Variants in SPEN observed in about 807,000 individuals in gnomAD.
SPEN encodes the protein msx2-interacting protein.
In SPEN, 18 loss-of-function variants were observed where a neutral mutation model predicts 269.9. The observed-to-expected ratio is 0.07, with a 90% CI of 0.05 to 0.10. The LOEUF (loss-of-function observed/expected upper bound fraction) is 0.10, where lower values mean the gene tolerates loss of function less well. Among genes scored for constraint, SPEN ranks in the 10% least tolerant of loss-of-function variants. The probability of loss-of-function intolerance (pLI) is 1.00; values close to 1 mark genes in which losing one functional copy is unlikely to be tolerated. For synonymous variants in SPEN, 1,726 were observed against 1,765.7 expected (o/e 0.98, Z 0.56); for missense variants, 3,822 against 4,631.2 (o/e 0.83, Z 5.07).
chr1:15,918,295 C>T (rs960881493), intron 6 of SPEN, among the ~76,000 whole-genome samples: 7 of 152,254 alleles, frequency 4.6e-5, no homozygotes, highest in Middle Eastern at 3.4e-3. Context: ...CTTGGCTTAC[C>T]GCAACCTCTG....
At chr1:15,904,893 T>C (rs1040290157) in intron 3 of SPEN, among the ~76,000 whole-genome samples, 14 of 148,272 alleles carry the variant, frequency 9.4e-5, no homozygotes, top group East Asian at 2.0e-4. Context: ...GTCTCTCTCT[T>C]TTTTTTTTTT....
At chr1:15,867,506 G>GT (rs2070526569) in intron 1 of SPEN, among the ~76,000 whole-genome samples, 1 of 152,048 alleles carries the variant, frequency 6.6e-6, no homozygotes, top group Non-Finnish European at 1.5e-5. Flanking sequence ...CTCATGCCAC[G>GT]TTTTTTATCC....
At chr1:15,886,464 C>T (rs146291595) in intron 3 of SPEN, among the ~76,000 whole-genome samples, 181 of 152,282 alleles carry the variant, frequency 1.2e-3, no homozygotes, top group African/African-American at 4.2e-3. Flanking sequence ...TCTCCACAGC[C>T]CTCAGTCCAG....
Position 15,872,824 on chromosome 1 carries a change from G to T in SPEN, c.92G>T (p.Arg31Leu). ...KIIEHFKRYG[R>L]VESVKILPKR... is the part of the protein sequence containing the mutation. ...GACTTTATTTTTTCCAGATATGGCC[G>T]CGTGGAAAGTGTCAAAATTCTTCCC... Residue 31 changes from arginine (R) to leucine (L), a missense_variant, in exon 2 of 15, where the codon CGC (arginine) becomes CTC (leucine). This residue lies in a region of SPEN where 51 missense variants were observed against 56.1 expected (regional missense o/e 0.91). Coordinates refer to ENST00000375759, the MANE Select transcript of SPEN (RefSeq NM_015001.3). 6.7e-7 allele frequency: 1 copy of T among 1,484,600 alleles called. No homozygotes were observed. The highest frequency in any genetic ancestry group is 9.0e-7 in the Non-Finnish European group (1 of 1,110,798). The allele number at this position is 1,484,600 out of a possible 1,614,324, so 92.0% of individuals were successfully genotyped here.
At position 15,932,891 on chromosome 1, in the gene SPEN, G is replaced by A. The variant is rs147655905; in HGVS notation, c.6651G>A (p.Ala2217=). The stretch of plus-strand genomic sequence containing the variant: ...AAGCAAGTGAAACAGAGCTGGCTGC[G>A]GCCATCGGCTCCATCATCAATGACA... ...AHQASETELA[A]AIGSIINDIS... The change falls in exon 11 of 15, where the codon GCG becomes GCA. Residue 2217 remains alanine (A), a synonymous_variant. Coordinates refer to ENST00000375759, the MANE Select transcript of SPEN (RefSeq NM_015001.3). This position sits in a 1 kb window ranked among gnomAD's most constrained non-coding sequence, Gnocchi z 4.2. 171 of 1,614,222 alleles carry A rather than the reference G, an allele frequency of 1.1e-4. No homozygotes were observed. The African/African-American group carries it at 1.7e-3, about 16-fold the overall frequency.
At chr1:15,926,015 A>G (rs1488667603) in intron 10 of SPEN, among the ~76,000 whole-genome samples, 1 of 152,216 alleles carries the variant, frequency 6.6e-6, no homozygotes, top group Admixed American at 6.5e-5. Context: ...CCATGGAGCT[A>G]TGGAAGGATC....
chr1:15,859,554 A>G (rs1442413574), intron 1 of SPEN, among the ~76,000 whole-genome samples: 7 of 151,502 alleles, frequency 4.6e-5, no homozygotes, highest in Non-Finnish European at 1.0e-4. Context: ...TATTTTTAGT[A>G]GAGACAGGGT....
In SPEN at chr1:15,929,051, G is replaced by A; in HGVS notation, c.2811G>A (p.Met937Ile). 2 of 1,614,224 alleles carry A rather than the reference G, an allele frequency of 1.2e-6. No homozygotes were observed. Among genetic ancestry groups the A allele is most frequent in the Non-Finnish European group, 1.7e-6 (2 of 1,180,046 alleles). ...SDLSKLESVR[M>I]KVPKEKGLSS... ...TGTCTAAACTGGAATCAGTTAGAAT[G>A]AAAGTACCAAAGGAAAAGGGGCTTT... Residue 937 changes from methionine (M) to isoleucine (I), a missense_variant, in exon 11 of 15, where the codon ATG (methionine) becomes ATA (isoleucine). Met to Ile is a conservative substitution (Grantham distance 10). Around this residue, in one of 16 missense-constraint regions of SPEN, gnomAD observed 572 missense variants for 582.6 expected, o/e 0.98. Coordinates refer to ENST00000375759, the MANE Select transcript of SPEN (RefSeq NM_015001.3). The surrounding 1 kb of genome is among the most constrained non-coding windows in gnomAD (Gnocchi z 5.8).
At chr1:15,866,341 A>C (rs1430211634) in intron 1 of SPEN, among the ~76,000 whole-genome samples, 3 of 152,096 alleles carry the variant, frequency 2.0e-5, no homozygotes, top group African/African-American at 7.2e-5. Flanking sequence ...GGAATACATT[A>C]GTTTTTTTGT....
At chr1:15,862,466 T>C (rs2070457527) in intron 1 of SPEN, among the ~76,000 whole-genome samples, 1 of 152,014 alleles carries the variant, frequency 6.6e-6, no homozygotes, top group Non-Finnish European at 1.5e-5. Context: ...TGTCTTGTTC[T>C]CTGGGGAGGA....
At chr1:15,862,211 C>G (rs1475208249) in intron 1 of SPEN, among the ~76,000 whole-genome samples, 1 of 152,054 alleles carries the variant, frequency 6.6e-6, no homozygotes, top group East Asian at 1.9e-4. Context: ...TGCCTTGCAC[C>G]TTTTTTCTTA....
rs1449167158 is a variant in SPEN, at chr1:15,930,688, T to C, written c.4448T>C (p.Val1483Ala). The change falls in exon 11 of 15, where the codon GTT becomes GCT. Residue 1483 changes from valine (V) to alanine (A), a missense_variant. Coordinates refer to ENST00000375759, the MANE Select transcript of SPEN (RefSeq NM_015001.3). This position sits in a 1 kb window ranked among gnomAD's most constrained non-coding sequence, Gnocchi z 5.3. ...CGAAACAACAAAGATAAAGAAAAGG[T>C]TGACTCTGCTCCAAGACCTATTCCA... is the stretch of plus-strand genomic sequence containing the variant. Reference protein sequence around the residue: ...NFRNNKDKEKVDSAPRPIPSW... With the variant: ...NFRNNKDKEKADSAPRPIPSW... 1.2e-6 allele frequency: 2 copies of C among 1,613,952 alleles called. No individual in the cohort carries two copies. Among genetic ancestry groups the C allele is most frequent in the Non-Finnish European group, 1.7e-6 (2 of 1,180,008 alleles).
Position 15,937,782 on chromosome 1 carries a change from C to T in SPEN, c.10510-30C>T. On this transcript the variant is annotated intron_variant, in intron 12 of 14. Coordinates refer to ENST00000375759, the MANE Select transcript of SPEN (RefSeq NM_015001.3). This position sits in a 1 kb window ranked among gnomAD's most constrained non-coding sequence, Gnocchi z 5.7. Reference sequence around the variant, plus strand: ...GCATGGCTCAGCGAGGGGCCATGAGCTCACTTCCTGTTTGTTTCCCTGTGA... The same window carrying T: ...GCATGGCTCAGCGAGGGGCCATGAGTTCACTTCCTGTTTGTTTCCCTGTGA... 1 of 1,612,776 alleles carries T rather than the reference C, an allele frequency of 6.2e-7. No homozygotes were observed. The highest frequency in any genetic ancestry group is 8.5e-7 in the Non-Finnish European group (1 of 1,179,412).
chr1:15,923,435 A>G (rs12142566), intron 10 of SPEN, among the ~76,000 whole-genome samples: 15,236 of 152,106 alleles, frequency 0.1, 1,022 homozygotes, highest in African/African-American at 0.18. Flanking sequence ...CTCCACCCCT[A>G]TATGTGTTAG....
chr1:15,847,976 G>GCCGCCC lies in SPEN; in HGVS notation c.-90_-85dup, dbSNP rs2070290045. 2 of 813,072 alleles carry GCCGCCC rather than the reference G, an allele frequency of 2.5e-6. No individual in the cohort carries two copies. Among genetic ancestry groups the GCCGCCC allele is most frequent in the African/African-American group, 1.8e-5 (1 of 54,958 alleles). 50.4% of individuals were successfully genotyped at this position (813,072 alleles called of 1,614,324 possible). ...CGCCACCGCCGCAGCCGCCGCCGCCGCCGCCCCGGCACCCGCCTCCCGGCG... is the reference window on the plus strand; with the variant it reads ...CGCCACCGCCGCAGCCGCCGCCGCCGCCGCCCCCGCCCCGGCACCCGCCTCCCGGCG... On this transcript the variant is annotated 5_prime_UTR_variant, in exon 1 of 15. Transcript: ENST00000375759.
At chr1:15,850,161 A>T (rs1421672076) in intron 1 of SPEN, among the ~76,000 whole-genome samples, 3 of 152,146 alleles carry the variant, frequency 2.0e-5, no homozygotes, top group Non-Finnish European at 4.4e-5. Flanking sequence ...TGTGGGAATC[A>T]GCAGAGCCGA....
chr1:15,914,656 C>G (rs1015115130), intron 5 of SPEN, among the ~76,000 whole-genome samples: 13 of 152,248 alleles, frequency 8.5e-5, no homozygotes, highest in African/African-American at 2.9e-4. Context: ...AACCCCGTCT[C>G]TACTAAAAAT....
chr1:15,928,503 C>A lies in SPEN; in HGVS notation c.2263C>A (p.Leu755Ile), dbSNP rs1178892546. Reference protein sequence around the residue: ...ERLPSDSERRLYSRSSDRSGS... With the variant: ...ERLPSDSERRIYSRSSDRSGS... Reference sequence around the variant, plus strand: ...GTTGCCGAGTGATTCTGAGAGGAGGCTTTACAGCCGATCCTCAGACCGGAG... The same window carrying A: ...GTTGCCGAGTGATTCTGAGAGGAGGATTTACAGCCGATCCTCAGACCGGAG... Residue 755 changes from leucine (L) to isoleucine (I), a missense_variant, in exon 11 of 15, where the codon CTT becomes ATT. By Grantham distance (5) the Leu-to-Ile change is conservative. Around this residue, in one of 16 missense-constraint regions of SPEN, gnomAD observed 572 missense variants for 582.6 expected, o/e 0.98. Transcript: ENST00000375759. This position sits in a 1 kb window ranked among gnomAD's most constrained non-coding sequence, Gnocchi z 5.7. 2 of 1,614,136 alleles carry A rather than the reference C, an allele frequency of 1.2e-6. No homozygotes were observed. Among genetic ancestry groups the A allele is most frequent in the Non-Finnish European group, 1.7e-6 (2 of 1,180,038 alleles).
chr1:15,893,123 C>T (rs1273883647), intron 3 of SPEN, among the ~76,000 whole-genome samples: 1 of 152,114 alleles, frequency 6.6e-6, no homozygotes, highest in African/African-American at 2.4e-5. Flanking sequence ...ACAACAAAAA[C>T]ACTTTCATCT....
Sources: allele counts gnomAD v4.1 joint callset (sites outside exome capture counted in the v4.1 genomes callset), GRCh38; gene constraint gnomAD v4.1.1; regional missense constraint gnomAD v4.1.1; non-coding constraint Gnocchi (gnomAD v3.1); transcripts MANE v1.5; gene names NCBI Gene and HGNC (gene_info 2026-07-23, HGNC 2026-07-21).